PEX7: variants seen among roughly 807,000 people sequenced by gnomAD.
PEX7 encodes peroxisomal biogenesis factor 7.
In PEX7, 34 loss-of-function variants were observed where a neutral mutation model predicts 47.5. The ratio of observed to expected loss-of-function variants is 0.72; its 90% CI spans 0.54 to 0.95. The LOEUF is 0.95. Ranked by LOEUF, PEX7 falls within the 40% of genes least tolerant of loss-of-function variation. The probability of loss-of-function intolerance (pLI) is 0.00; values close to 1 mark genes in which losing one functional copy is unlikely to be tolerated. For missense variants in PEX7, 394 were observed against 400.3 expected, an observed-to-expected ratio of 0.98 and a Z score of 0.13; for synonymous variants, 141 against 148.8, an observed-to-expected ratio of 0.95 and a Z score of 0.38.
Position 136,822,802 on chromosome 6 carries a change from C to T in PEX7, c.130+7C>T, listed in dbSNP as rs1342712596. Reference sequence around the variant, plus strand: ...CAGCACTACGGCATCGCGGGTGAGGCGGCGCCGCGCAGCTGGGGCCGGGGG... The same window carrying T: ...CAGCACTACGGCATCGCGGGTGAGGTGGCGCCGCGCAGCTGGGGCCGGGGG... On this transcript the variant is annotated splice_region_variant and intron_variant, in intron 1 of 9. Transcript: ENST00000318471. 4.7e-6 allele frequency: 6 copies of T among 1,289,634 alleles called. No homozygotes were observed. Among genetic ancestry groups the T allele is most frequent in the East Asian group, 3.3e-5 (1 of 30,730 alleles). 79.9% of individuals were successfully genotyped at this position (1,289,634 alleles called of 1,614,324 possible). A position where few individuals can be genotyped will look rare whatever the true frequency, so the allele number is the denominator to read the frequency against.
chr6:136,909,926 A>C (rs1477945410), intron 9 of PEX7, among the ~76,000 whole-genome samples: 5 of 152,214 alleles, frequency 3.3e-5, no homozygotes, highest in Non-Finnish European at 7.3e-5. Flanking sequence ...TCTTCTCTCC[A>C]GTAGCGGATG....
chr6:136,833,499 A>G (rs1774331373), intron 3 of PEX7, among the ~76,000 whole-genome samples: 1 of 152,256 alleles, frequency 6.6e-6, no homozygotes, highest in Non-Finnish European at 1.5e-5. Flanking sequence ...CAACACATTT[A>G]TCAACTGAAG....
At chr6:136,862,431 A>G (rs576296241) in intron 5 of PEX7, among the ~76,000 whole-genome samples, 1 of 151,938 alleles carries the variant, frequency 6.6e-6, no homozygotes, top group South Asian at 2.1e-4. Flanking sequence ...GGTGGAGTAC[A>G]GTGGTGCGAT....
intron 3 of PEX7, among the ~76,000 whole-genome samples, chr6:136,832,380 T>C (rs189192577): frequency 1.6e-4 from 24 of 152,320 alleles, no homozygotes; most frequent in Non-Finnish European, 3.2e-4. Context: ...CATTTTTCCC[T>C]CCTAGGCCGC....
intron 5 of PEX7, among the ~76,000 whole-genome samples, chr6:136,856,292 A>AG (rs1774862155): frequency 1.1e-5 from 1 of 86,996 alleles, no homozygotes; most frequent in Admixed American, 1.2e-4. Context: ...GGTTGAAAGT[A>AG]AAAAAAAAAA....
At chr6:136,874,044 G>A (rs13218636) in intron 8 of PEX7, among the ~76,000 whole-genome samples, 17,626 of 152,076 alleles carry the variant, frequency 0.12, 1,071 homozygotes, top group Admixed American at 0.15. Flanking sequence ...AAGCTTTTGC[G>A]TCAATATTCA....
chr6:136,864,325 A>T (rs928143885), intron 5 of PEX7, among the ~76,000 whole-genome samples: 1 of 151,156 alleles, frequency 6.6e-6, no homozygotes, highest in African/African-American at 2.4e-5. Flanking sequence ...TAAAAAAAAA[A>T]CACACATATT....
chr6:136,878,265 C>T (rs1775311990), intron 8 of PEX7, among the ~76,000 whole-genome samples: 1 of 152,202 alleles, frequency 6.6e-6, no homozygotes, highest in African/African-American at 2.4e-5. Flanking sequence ...GACGATTTGA[C>T]TTCCTCTCTT....
chr6:136,824,673 A>G (rs1774155646), intron 1 of PEX7, among the ~76,000 whole-genome samples: 1 of 152,254 alleles, frequency 6.6e-6, no homozygotes, highest in Non-Finnish European at 1.5e-5. Flanking sequence ...TTGACAGGTA[A>G]CATATTAATA....
chr6:136,881,183 T>C (rs907978221), intron 8 of PEX7, among the ~76,000 whole-genome samples: 2 of 151,612 alleles, frequency 1.3e-5, no homozygotes, highest in Non-Finnish European at 2.9e-5. Flanking sequence ...CAGGAGGGAG[T>C]TCATGTTGGA....
intron 8 of PEX7, among the ~76,000 whole-genome samples, chr6:136,885,332 G>C (rs1775450765): frequency 6.6e-6 from 1 of 152,096 alleles, no homozygotes; most frequent in African/African-American, 2.4e-5. Context: ...TTTTTTATCA[G>C]TGGTCTTAAT....
At position 136,900,814 on chromosome 6, in the gene PEX7, T is replaced by C; in HGVS notation, c.903+2573T>C. 1 of 332,136 alleles carries C rather than the reference T, an allele frequency of 3.0e-6. No individual in the cohort carries two copies. The highest frequency in any genetic ancestry group is 9.2e-5 in the East Asian group (1 of 10,924). 20.6% of individuals were successfully genotyped at this position (332,136 alleles called of 1,614,324 possible). The stretch of plus-strand genomic sequence containing the variant: ...ATCCCCTTTGCCAACAGCTTTCTTC[T>C]CAGCCTGGGCCAAGTCTCTGCCTCT... On this transcript the variant is annotated intron_variant, in intron 9 of 9. Transcript: ENST00000318471. The surrounding 1 kb of genome is among the most constrained non-coding windows in gnomAD (Gnocchi z 4.2).
chr6:136,849,450 G>A (rs184295847), intron 5 of PEX7, among the ~76,000 whole-genome samples: 3 of 152,246 alleles, frequency 2.0e-5, no homozygotes, highest in African/African-American at 7.2e-5. Context: ...ATGTTAGGGT[G>A]TCAATTTTAG....
intron 3 of PEX7, among the ~76,000 whole-genome samples, chr6:136,837,513 T>G (rs1774413287): frequency 6.6e-6 from 1 of 152,186 alleles, no homozygotes; most frequent in Admixed American, 6.5e-5. Context: ...ATTTCTTTGT[T>G]TTTTGCACAG....
At chr6:136,856,203 C>T (rs1284072419) in intron 5 of PEX7, among the ~76,000 whole-genome samples, 2 of 151,052 alleles carry the variant, frequency 1.3e-5, no homozygotes, top group Admixed American at 6.6e-5. Context: ...CTGTAGAAGA[C>T]CCCTGTTTCA....
chr6:136,887,540 A>G (rs1486777691), intron 8 of PEX7, among the ~76,000 whole-genome samples: 1 of 152,204 alleles, frequency 6.6e-6, no homozygotes, highest in African/African-American at 2.4e-5. Context: ...CAAAATGACA[A>G]AGACAAATTA....
chr6:136,860,392 C>T (rs1774936640), intron 5 of PEX7, among the ~76,000 whole-genome samples: 1 of 145,790 alleles, frequency 6.9e-6, no homozygotes, highest in African/African-American at 2.5e-5. Flanking sequence ...CAAGAGGGGA[C>T]AGCTCAAGCC....
At chr6:136,846,884 A>G (rs1315889840) in intron 5 of PEX7, among the ~76,000 whole-genome samples, 1 of 152,182 alleles carries the variant, frequency 6.6e-6, no homozygotes, top group Non-Finnish European at 1.5e-5. Flanking sequence ...GTCAAATGGT[A>G]TTTCTAGTTC....
chr6:136,884,293 T>A (rs1436487946), intron 8 of PEX7, among the ~76,000 whole-genome samples: 3 of 152,208 alleles, frequency 2.0e-5, no homozygotes. Flanking sequence ...GTTAAATTTA[T>A]CCTCTGAAGA....
Sources: gnomAD v4.1 joint callset for allele counts (sites outside exome capture counted in the v4.1 genomes callset) on GRCh38, gnomAD v4.1.1 for gene constraint, Gnocchi (gnomAD v3.1) non-coding constraint, MANE v1.5 for transcripts, NCBI Gene and HGNC (gene_info 2026-07-23, HGNC 2026-07-21) for gene names.